IQCK: variants seen among roughly 807,000 people sequenced by gnomAD.
IQCK encodes the protein IQ domain-containing protein K.
Under a neutral mutation model 28.1 loss-of-function variants are expected in IQCK, and 29 were observed. The ratio of observed to expected loss-of-function variants is 1.03; its 90% CI spans 0.77 to 1.41. The LOEUF is 1.41. Among genes scored for constraint, IQCK ranks in the 40% most tolerant of loss-of-function variants. The pLI, the probability that IQCK is intolerant of heterozygous loss-of-function variation, is 0.00. For missense variants in IQCK, 359 were observed against 314.7 expected, an observed-to-expected ratio of 1.14 and a Z score of -1.07; for synonymous variants, 113 against 115.1, an observed-to-expected ratio of 0.98 and a Z score of 0.12.
At chr16:19,769,299 A>G (rs1483315983) in intron 6 of IQCK, among the ~76,000 whole-genome samples, 1 of 152,254 alleles carries the variant, frequency 6.6e-6, no homozygotes, top group African/African-American at 2.4e-5. Flanking sequence ...GAGGAGTATC[A>G]AAGAATGTGT....
intron 4 of IQCK, among the ~76,000 whole-genome samples, chr16:19,763,482 G>T (rs1399519311): frequency 6.6e-6 from 1 of 151,918 alleles, no homozygotes; most frequent in Non-Finnish European, 1.5e-5. Context: ...TCACCCTATT[G>T]CCCAGGCTGG....
chr16:19,852,296 C>T (rs995359019), intron 9 of IQCK, among the ~76,000 whole-genome samples: 7 of 152,088 alleles, frequency 4.6e-5, no homozygotes, highest in Non-Finnish European at 8.8e-5. Flanking sequence ...TAAATAAAAA[C>T]ATTTGTGGAG....
At chr16:19,749,934 G>A (rs2054963640) in intron 4 of IQCK, among the ~76,000 whole-genome samples, 1 of 152,082 alleles carries the variant, frequency 6.6e-6, no homozygotes, top group Admixed American at 6.6e-5. Context: ...CAGTGTAAGG[G>A]AAGCTTAATG....
At chr16:19,726,547 A>C (rs759718054) in intron 1 of IQCK, among the ~76,000 whole-genome samples, 2 of 152,230 alleles carry the variant, frequency 1.3e-5, no homozygotes, top group African/African-American at 2.4e-5. Context: ...TAATAATAAA[A>C]TAATGGAAAC....
chr16:19,764,829 A>ACTCAGCTACT (rs1194727749), intron 6 of IQCK, among the ~76,000 whole-genome samples: 1 of 147,850 alleles, frequency 6.8e-6, no homozygotes, highest in African/African-American at 2.5e-5. Flanking sequence ...AGCTGGGACT[A>ACTCAGCTACT]CAGGTGCCTG....
intron 4 of IQCK, among the ~76,000 whole-genome samples, chr16:19,757,865 T>C (rs984999573): frequency 2.6e-5 from 4 of 152,226 alleles, no homozygotes; most frequent in Admixed American, 2.6e-4. Flanking sequence ...ATTTGTTTTA[T>C]CACATATCCA....
intron 3 of IQCK, among the ~76,000 whole-genome samples, chr16:19,735,064 C>G (rs527808361): frequency 6.6e-6 from 1 of 152,114 alleles, no homozygotes; most frequent in Non-Finnish European, 1.5e-5. Flanking sequence ...TTTGTCCCTC[C>G]GGCCACACTG....
intron 9 of IQCK, among the ~76,000 whole-genome samples, chr16:19,839,018 CAAAAA>C (rs71146274): frequency 0.016 from 663 of 42,564 alleles, 4 homozygotes; most frequent in African/African-American, 0.052. Context: ...GACTCCATAG[CAAAAA>C]AAAAAAAAAA....
chr16:19,785,619 A>C (rs1233721522), intron 6 of IQCK, among the ~76,000 whole-genome samples: 1 of 152,150 alleles, frequency 6.6e-6, no homozygotes, highest in Non-Finnish European at 1.5e-5. Context: ...CTTTGTTTGC[A>C]TAGAAGTCTT....
intron 4 of IQCK, among the ~76,000 whole-genome samples, chr16:19,747,712 C>T (rs1042911419): frequency 6.6e-6 from 1 of 152,168 alleles, no homozygotes; most frequent in African/African-American, 2.4e-5. Flanking sequence ...CAGGTTTTAG[C>T]ACCCACTTAT....
At chr16:19,820,172 AT>A (rs1350480234) in intron 7 of IQCK, among the ~76,000 whole-genome samples, 1 of 152,070 alleles carries the variant, frequency 6.6e-6, no homozygotes, top group African/African-American at 2.4e-5. Flanking sequence ...TTTGGCAATA[AT>A]TTTTTATCTA....
chr16:19,773,419 GAGA>G (rs764617219), intron 6 of IQCK, among the ~76,000 whole-genome samples: 15 of 152,176 alleles, frequency 9.9e-5, no homozygotes, highest in Non-Finnish European at 1.9e-4. Flanking sequence ...CAGAAACAAT[GAGA>G]AGGAGGATTA....
chr16:19,745,169 T>G (rs902521948), intron 4 of IQCK, among the ~76,000 whole-genome samples: 1 of 152,222 alleles, frequency 6.6e-6, no homozygotes, highest in African/African-American at 2.4e-5. Context: ...TTTCAAGTCC[T>G]CATATTTGAC....
At chr16:19,726,748 GTTCA>G (rs781146197) in intron 1 of IQCK, among the ~76,000 whole-genome samples, 6 of 152,120 alleles carry the variant, frequency 3.9e-5, no homozygotes, top group Non-Finnish European at 7.3e-5. Context: ...TCATCCATTC[GTTCA>G]TTCATTCAGC....
intron 4 of IQCK, among the ~76,000 whole-genome samples, chr16:19,738,387 A>G (rs13331873): frequency 0.34 from 51,967 of 152,088 alleles, 13,939 homozygotes; most frequent in African/African-American, 0.75. Flanking sequence ...GAGAACAGTG[A>G]GGGGCAAATG....
intron 4 of IQCK, among the ~76,000 whole-genome samples, chr16:19,749,936 AGC>A (rs2054963837): frequency 6.6e-6 from 1 of 152,118 alleles, no homozygotes; most frequent in South Asian, 2.1e-4. Context: ...GTGTAAGGGA[AGC>A]TTAATGATTT....
chr16:19,737,444 A>G (rs1345279745), intron 4 of IQCK, among the ~76,000 whole-genome samples: 1 of 151,772 alleles, frequency 6.6e-6, no homozygotes, highest in Non-Finnish European at 1.5e-5. Flanking sequence ...TCCATATTAT[A>G]CCTCCCCCTA....
intron 7 of IQCK, among the ~76,000 whole-genome samples, chr16:19,818,714 A>T (rs1429828936): frequency 6.6e-6 from 1 of 152,200 alleles, no homozygotes; most frequent in East Asian, 1.9e-4. Context: ...ATATTTAGAG[A>T]TAAATTGTGT....
At chr16:19,816,342 C>T (rs745841131) in intron 7 of IQCK, among the ~76,000 whole-genome samples, 2 of 152,136 alleles carry the variant, frequency 1.3e-5, no homozygotes, top group African/African-American at 2.4e-5. Context: ...AGTGCAGTGG[C>T]GTGATCTCGG....
Sources: gnomAD v4.1 joint callset for allele counts (sites outside exome capture counted in the v4.1 genomes callset) on GRCh38, gnomAD v4.1.1 for gene constraint, MANE v1.5 for transcripts, NCBI Gene and HGNC (gene_info 2026-07-23, HGNC 2026-07-21) for gene names.